The following SCN11A variants were observed in gnomAD, a reference collection of about 807,000 sequenced individuals.
SCN11A encodes the protein sodium voltage-gated channel alpha subunit 11, also known as sodium channel protein type 11 subunit alpha.
A neutral mutation model predicts 162.2 loss-of-function variants in SCN11A; 122 were observed. That is an observed-to-expected ratio of 0.75 (90% CI 0.65 to 0.87). The LOEUF (loss-of-function observed/expected upper bound fraction) is 0.87, where lower values mean the gene tolerates loss of function less well. SCN11A is among the 40% of genes least tolerant of loss of function. The probability of loss-of-function intolerance (pLI) is 0.00; values close to 1 mark genes in which losing one functional copy is unlikely to be tolerated. For synonymous variants in SCN11A, 758 were observed against 751.5 expected (o/e 1.01, Z -0.14); for missense variants, 2,015 against 2,181.6 (o/e 0.92, Z 1.52).
At chr3:38,863,336 GTTT>G in intron 27 of SCN11A, 37 bp from the exon 28 acceptor site, 1 of 940,818 alleles carries the variant, frequency 1.1e-6, no homozygotes, top group Non-Finnish European at 1.6e-6. Context: ...ACCTTTAACA[GTTT>G]TTTTTTTAAT....
intron 2 of SCN11A, among the ~76,000 whole-genome samples, chr3:38,966,701 T>C (rs1398071198): frequency 2.0e-5 from 3 of 152,308 alleles, no homozygotes; most frequent in Admixed American, 6.5e-5. Flanking sequence ...TTAGAACTTA[T>C]GCCTTCTACC....
intron 7 of SCN11A, among the ~76,000 whole-genome samples, chr3:38,943,155 T>C (rs74470646): frequency 0.067 from 10,178 of 151,978 alleles, 397 homozygotes; most frequent in Middle Eastern, 0.11. Context: ...TGTAGAAATA[T>C]ACACAACAAC....
intron 1 of SCN11A, among the ~76,000 whole-genome samples, chr3:39,045,881 T>C (rs1373356465): frequency 6.6e-6 from 1 of 152,216 alleles, no homozygotes; most frequent in South Asian, 2.1e-4. Context: ...TATGATCTTA[T>C]ATATAGAAAA....
chr3:39,004,590 T>G (rs2030915461), intron 2 of SCN11A, among the ~76,000 whole-genome samples: 1 of 152,208 alleles, frequency 6.6e-6, no homozygotes, highest in South Asian at 2.1e-4. Context: ...GGAATAGCAT[T>G]GAATCTGTAA....
Position 38,847,034 on chromosome 3 carries a change from C to A in SCN11A, c.5036G>T (p.Arg1679Leu). 1 of 1,613,754 alleles carries A rather than the reference C, an allele frequency of 6.2e-7. No homozygotes were observed. The highest frequency in any genetic ancestry group is 8.5e-7 in the Non-Finnish European group (1 of 1,179,878). ...VMDLPMVSED[R>L]LHCMDILFAF... ...GAAAAGAATATCCATGCAGTGGAGG[C>A]GATCTTCACTCACCATGGGCAAGTC... Residue 1679 changes from arginine (R) to leucine (L), a missense_variant, in exon 30 of 30, where the codon CGC (arginine) becomes CTC (leucine). By Grantham distance (102) the Arg-to-Leu change is moderately radical. Coordinates refer to ENST00000302328, the MANE Select transcript of SCN11A (RefSeq NM_001349253.2).
chr3:39,002,278 A>G (rs867548150), intron 2 of SCN11A, among the ~76,000 whole-genome samples: 43 of 152,348 alleles, frequency 2.8e-4, no homozygotes, highest in African/African-American at 1.0e-3. Flanking sequence ...AATGAGAAAC[A>G]AATATTGTGA....
intron 2 of SCN11A, among the ~76,000 whole-genome samples, chr3:38,985,095 A>AT (rs1300113871): frequency 6.8e-6 from 1 of 147,242 alleles, no homozygotes; most frequent in Non-Finnish European, 1.5e-5. Flanking sequence ...ACATATTCGG[A>AT]TTTTTTAAAA....
intron 7 of SCN11A, among the ~76,000 whole-genome samples, chr3:38,941,394 A>G (rs2066440723): frequency 6.6e-6 from 1 of 152,188 alleles, no homozygotes. Flanking sequence ...GAACCACAAG[A>G]TATATTAAAG....
intron 2 of SCN11A, among the ~76,000 whole-genome samples, chr3:38,973,538 T>G (rs2066830190): frequency 6.6e-6 from 1 of 152,212 alleles, no homozygotes; most frequent in African/African-American, 2.4e-5. Flanking sequence ...ATGACAGTTC[T>G]ATCAGTATGG....
chr3:38,854,195 T>G (rs2064829787), intron 28 of SCN11A, among the ~76,000 whole-genome samples: 1 of 152,164 alleles, frequency 6.6e-6, no homozygotes, highest in South Asian at 2.1e-4. Context: ...AATACAGGCA[T>G]GTTTATTTGT....
Position 38,900,074 on chromosome 3 carries a change from C to T in SCN11A, c.1843-1G>A. The T allele has an allele frequency of 6.2e-7, 1 of 1,613,246 alleles. No homozygotes were observed. The highest frequency in any genetic ancestry group is 8.5e-7 in the Non-Finnish European group (1 of 1,179,370). On this transcript the variant is annotated splice_acceptor_variant, in intron 16 of 29. Transcript: ENST00000302328. LOFTEE classifies it high-confidence loss of function. ...CTGCTATAAAAATGCTAGTGAAAAC[C>T]TAGAGTGGGACAAAGAAGAATGAGA... is the stretch of plus-strand genomic sequence containing the variant.
At chr3:38,987,408 G>A (rs893458309) in intron 2 of SCN11A, among the ~76,000 whole-genome samples, 8 of 151,682 alleles carry the variant, frequency 5.3e-5, no homozygotes, top group African/African-American at 1.9e-4. Flanking sequence ...CATGTCTGGG[G>A]CCCATATTTC....
At chr3:38,935,475 C>G (rs1229711598) in intron 7 of SCN11A, among the ~76,000 whole-genome samples, 9 of 151,864 alleles carry the variant, frequency 5.9e-5, no homozygotes. Flanking sequence ...CTGATAGATC[C>G]CTAGCAAGAC....
intron 2 of SCN11A, among the ~76,000 whole-genome samples, chr3:39,012,602 T>A (rs1470105165): frequency 2.0e-5 from 3 of 151,478 alleles, no homozygotes; most frequent in Non-Finnish European, 4.4e-5. Context: ...TGCCTCAGCC[T>A]CCCAAGCAGC....
chr3:39,030,385 C>G (rs1053662137), intron 2 of SCN11A, among the ~76,000 whole-genome samples: 1 of 152,146 alleles, frequency 6.6e-6, no homozygotes, highest in African/African-American at 2.4e-5. Context: ...CAGAAAAGAC[C>G]AGTGGCTCGC....
chr3:38,897,559 C>T (rs2065625751), intron 17 of SCN11A, among the ~76,000 whole-genome samples: 1 of 151,664 alleles, frequency 6.6e-6, no homozygotes, highest in Non-Finnish European at 1.5e-5. Context: ...TACTAAAATA[C>T]AAAAAAATTA....
intron 13 of SCN11A, 96 bp from the exon 14 acceptor site, chr3:38,908,218 T>C (rs1368325893): frequency 4.9e-6 from 5 of 1,020,584 alleles, no homozygotes; most frequent in Non-Finnish European, 5.9e-6. Flanking sequence ...ATCTCTCTTC[T>C]GGTAGCTCTG....
chr3:38,987,881 G>A (rs568207922), intron 2 of SCN11A, among the ~76,000 whole-genome samples: 1 of 152,242 alleles, frequency 6.6e-6, no homozygotes, highest in African/African-American at 2.4e-5. Flanking sequence ...CCCTGTTTCT[G>A]TCTCCAGCCC....
At chr3:39,011,089 G>A (rs926934248) in intron 2 of SCN11A, among the ~76,000 whole-genome samples, 1 of 152,184 alleles carries the variant, frequency 6.6e-6, no homozygotes, top group African/African-American at 2.4e-5. Context: ...GCAAGAGAAA[G>A]GAGGGCATTT....
Sources: gnomAD v4.1 joint callset for allele counts (sites outside exome capture counted in the v4.1 genomes callset) on GRCh38, gnomAD v4.1.1 for gene constraint, MANE v1.5 for transcripts, NCBI Gene and HGNC (gene_info 2026-07-23, HGNC 2026-07-21) for gene names.